CSMD1: variants seen among roughly 807,000 people sequenced by gnomAD.
The protein encoded by CSMD1 is CUB and sushi domain-containing protein 1.
A neutral mutation model predicts 417.5 loss-of-function variants in CSMD1; 213 were observed. The ratio of observed to expected loss-of-function variants is 0.51; its 90% CI spans 0.46 to 0.57. The LOEUF (loss-of-function observed/expected upper bound fraction) is 0.57, where lower values mean the gene tolerates loss of function less well. Ranked by LOEUF, CSMD1 falls within the 20% of genes least tolerant of loss-of-function variation. The pLI is 0.00. For missense variants in CSMD1, 6,923 were observed against 4,529.7 expected (o/e 1.53, Z -15.17); for synonymous variants, 2,862 against 1,736.8 (o/e 1.65, Z -16.11).
intron 41 of CSMD1, among the ~76,000 whole-genome samples, chr8:3,119,086 G>A (rs924005059): frequency 2.0e-5 from 3 of 151,910 alleles, no homozygotes; most frequent in Admixed American, 6.6e-5. Flanking sequence ...AGGCTGAGGC[G>A]GGAGAATGGC....
intron 3 of CSMD1, among the ~76,000 whole-genome samples, chr8:4,206,655 G>A (rs1299535286): frequency 6.6e-6 from 1 of 152,176 alleles, no homozygotes; most frequent in Non-Finnish European, 1.5e-5. Context: ...ATGTGTGCAT[G>A]TGTCTTTACA....
chr8:3,000,322 G>GA (rs1367896799), intron 52 of CSMD1, among the ~76,000 whole-genome samples, 191 bp from the exon 53 acceptor site: 1 of 148,540 alleles, frequency 6.7e-6, no homozygotes, highest in Admixed American at 6.7e-5. Flanking sequence ...AGAAATCCTG[G>GA]AAAAAATAAG....
intron 3 of CSMD1, among the ~76,000 whole-genome samples, chr8:4,404,996 G>A (rs34021491): frequency 0.025 from 3,816 of 152,296 alleles, 63 homozygotes; most frequent in Middle Eastern, 0.048. Context: ...ATTTTCTCAA[G>A]GCTAAAAGCT....
intron 3 of CSMD1, among the ~76,000 whole-genome samples, chr8:4,086,824 T>G (rs1175386154): frequency 2.0e-5 from 3 of 152,168 alleles, no homozygotes; most frequent in African/African-American, 7.2e-5. Flanking sequence ...GATGAAAACT[T>G]TGCATGCATC....
intron 7 of CSMD1, among the ~76,000 whole-genome samples, chr8:3,707,365 C>A (rs180861514): frequency 3.9e-5 from 6 of 152,048 alleles, no homozygotes; most frequent in African/African-American, 1.4e-4. Flanking sequence ...TGCTAGGCAA[C>A]GGAAAAACAA....
At chr8:3,310,213 A>T (rs1159837908) in intron 23 of CSMD1, among the ~76,000 whole-genome samples, 2 of 152,224 alleles carry the variant, frequency 1.3e-5, no homozygotes, top group African/African-American at 2.4e-5. Flanking sequence ...GACAGGGCAG[A>T]AAGGAAGACA....
chr8:4,889,321 G>C (rs1803955283), intron 1 of CSMD1, among the ~76,000 whole-genome samples: 1 of 152,066 alleles, frequency 6.6e-6, no homozygotes, highest in Admixed American at 6.5e-5. Flanking sequence ...AAATTGAGGA[G>C]AATTTTATGA....
At position 4,064,354 on chromosome 8, in the gene CSMD1, G is replaced by T. The variant is rs567561742; in HGVS notation, c.416-32255C>A. ...AGTCACCTGCTCTCTTTCACAAATT[G>T]TATCTCTGTTTAGGGTTTTCTGCAG... is the stretch of plus-strand genomic sequence containing the variant. On this transcript the variant is annotated intron_variant, in intron 3 of 69. Transcript: ENST00000635120. Among the ~76,000 whole-genome samples, 12 of 152,140 alleles carry T rather than the reference G, an allele frequency of 7.9e-5. No individual in the cohort carries two copies. The East Asian group carries it at 9.6e-4, about 12-fold the overall frequency.
chr8:3,145,460 G>T (rs1033899214), intron 40 of CSMD1, among the ~76,000 whole-genome samples: 1 of 152,204 alleles, frequency 6.6e-6, no homozygotes, highest in African/African-American at 2.4e-5. Context: ...GACATCCAAC[G>T]TCTCAAAAGT....
chr8:4,803,746 A>AT (rs545000985), intron 1 of CSMD1, among the ~76,000 whole-genome samples: 2 of 152,134 alleles, frequency 1.3e-5, no homozygotes, highest in Admixed American at 6.6e-5. Context: ...TACTAATATA[A>AT]TTTTTTTCAA....
chr8:4,175,657 T>C (rs1049034733), intron 3 of CSMD1, among the ~76,000 whole-genome samples: 1 of 152,134 alleles, frequency 6.6e-6, no homozygotes, highest in Admixed American at 6.5e-5. Flanking sequence ...GTCAGAACTA[T>C]CTAAAGGTAA....
chr8:3,239,742 G>T (rs994654608), intron 26 of CSMD1, among the ~76,000 whole-genome samples: 4 of 152,186 alleles, frequency 2.6e-5, no homozygotes, highest in African/African-American at 7.2e-5. Context: ...GATTAGGCCT[G>T]GTGGAACTGC....
At chr8:3,650,115 C>A (rs1312200477) in intron 7 of CSMD1, among the ~76,000 whole-genome samples, 1 of 151,980 alleles carries the variant, frequency 6.6e-6, no homozygotes, top group African/African-American at 2.4e-5. Context: ...CTTGTCTCTA[C>A]TAAAAATACA....
Position 3,078,043 on chromosome 8 carries a change from T to C in CSMD1, c.7474+9054A>G, listed in dbSNP as rs1326595006. 2.6e-5 allele frequency among the ~76,000 whole-genome samples: 4 copies of C among 152,378 alleles called. No homozygotes were observed. In the East Asian group the frequency reaches 7.7e-4, roughly 29 times the overall value. On this transcript the variant is annotated intron_variant, in intron 49 of 69. Coordinates refer to ENST00000635120, the MANE Select transcript of CSMD1 (RefSeq NM_033225.6). ...TTTGTGAAATATTTTGAGTATTCCA[T>C]GTCAGGTTTATTTCTCAACGCGAAG...
chr8:3,592,873 C>T (rs565081313), intron 8 of CSMD1, among the ~76,000 whole-genome samples: 1 of 152,038 alleles, frequency 6.6e-6, no homozygotes, highest in Admixed American at 6.5e-5. Context: ...GGTAGGTTCT[C>T]CCACTTCCTG....
At chr8:4,481,540 A>G (rs928866148) in intron 2 of CSMD1, among the ~76,000 whole-genome samples, 21 of 152,172 alleles carry the variant, frequency 1.4e-4, no homozygotes, top group African/African-American at 4.8e-4. Flanking sequence ...AGAAGGAATT[A>G]ACCTGTTTTT....
intron 3 of CSMD1, among the ~76,000 whole-genome samples, chr8:4,185,802 C>A (rs1054579329): frequency 6.6e-6 from 1 of 152,140 alleles, no homozygotes; most frequent in African/African-American, 2.4e-5. Context: ...GAGTGGCAGA[C>A]CCAGTGCCAG....
chr8:4,577,325 T>C (rs544617442), intron 2 of CSMD1, among the ~76,000 whole-genome samples: 90 of 152,336 alleles, frequency 5.9e-4, no homozygotes, highest in Non-Finnish European at 9.1e-4. Context: ...TCAATAATGA[T>C]GCCCCAAAAT....
intron 8 of CSMD1, among the ~76,000 whole-genome samples, chr8:3,609,371 T>G (rs971585104): frequency 6.6e-6 from 1 of 152,342 alleles, no homozygotes; most frequent in Middle Eastern, 3.4e-3. Flanking sequence ...TGAATACACT[T>G]TGTCTTTTAG....
Sources: gnomAD v4.1 joint callset for allele counts (sites outside exome capture counted in the v4.1 genomes callset) on GRCh38, gnomAD v4.1.1 for gene constraint, MANE v1.5 for transcripts, NCBI Gene and HGNC (gene_info 2026-07-23, HGNC 2026-07-21) for gene names.